Variants in DNAH6 observed in about 807,000 individuals in gnomAD.
DNAH6 encodes the protein dynein axonemal heavy chain 6.
DNAH6 carries 340 observed loss-of-function variants against 491.4 expected under a neutral mutation model. The ratio of observed to expected loss-of-function variants is 0.69; its 90% CI spans 0.63 to 0.76. The LOEUF (loss-of-function observed/expected upper bound fraction) is 0.76. Ranked by LOEUF, DNAH6 falls within the 30% of genes least tolerant of loss-of-function variation. The pLI is 0.00. For synonymous variants in DNAH6, 1,603 were observed against 1,686.1 expected (o/e 0.95, Z 1.21); for missense variants, 4,443 against 4,972.2 (o/e 0.89, Z 3.20).
intron 8 of DNAH6, 142 bp downstream of exon 8, chr2:84,548,559 A>G: frequency 2.2e-6 from 2 of 904,594 alleles, no homozygotes; most frequent in Non-Finnish European, 3.4e-6. Flanking sequence ...ATCATGTTGT[A>G]TACCTTAAGT....
chr2:84,704,404 A>G, intron 51 of DNAH6, 102 bp downstream of exon 51: 1 of 855,506 alleles, frequency 1.2e-6, no homozygotes, highest in South Asian at 1.8e-5. Context: ...CCACCTTCTC[A>G]TTGCTTCAGT....
In DNAH6 at chr2:84,701,220, A is replaced by C. The variant is rs1695867575; in HGVS notation, c.7942A>C (p.Met2648Leu). Reference sequence around the variant, plus strand: ...GAACGTTCACTTGAGTGTCTCCAGCATGGCAGAGCGCTATTACAATGAGCT... The same window carrying C: ...GAACGTTCACTTGAGTGTCTCCAGCCTGGCAGAGCGCTATTACAATGAGCT... ...CVNVHLSVSSMAERYYNELRR... is the reference protein window; with the variant it reads ...CVNVHLSVSSLAERYYNELRR... The change falls in exon 49 of 77, where the codon ATG becomes CTG. Residue 2648 changes from methionine (M) to leucine (L), a missense_variant. Physicochemically the swap from Met to Leu is conservative, Grantham distance 15. This residue lies in a region of DNAH6 where 2,977 missense variants were observed against 3,296.6 expected (regional missense o/e 0.90). Transcript: ENST00000389394. The C allele has an allele frequency of 3.9e-6, 6 of 1,551,702 alleles. No homozygotes were observed. The highest frequency in any genetic ancestry group is 5.2e-6 in the Non-Finnish European group (6 of 1,147,022).
chr2:84,626,886 G>A (rs1179557945), intron 29 of DNAH6, among the ~76,000 whole-genome samples: 2 of 152,198 alleles, frequency 1.3e-5, no homozygotes, highest in South Asian at 2.1e-4. Context: ...GATTACAGGC[G>A]TGAGCCACCG....
At chr2:84,564,578 G>A (rs970005986) in intron 11 of DNAH6, among the ~76,000 whole-genome samples, 1 of 152,018 alleles carries the variant, frequency 6.6e-6, no homozygotes, top group Non-Finnish European at 1.5e-5. Context: ...TCAGTTCTAG[G>A]GGCCTTTTGG....
intron 29 of DNAH6, among the ~76,000 whole-genome samples, chr2:84,627,919 G>A (rs926370422): frequency 5.3e-5 from 8 of 152,092 alleles, no homozygotes; most frequent in Non-Finnish European, 7.4e-5. Context: ...TTATTGAAAG[G>A]TTACTGAGAT....
intron 2 of DNAH6, among the ~76,000 whole-genome samples, chr2:84,519,018 C>CTCTACAACTTTT (rs1675877394): frequency 1.3e-5 from 2 of 152,112 alleles, no homozygotes; most frequent in Non-Finnish European, 2.9e-5. Context: ...GCACTCCAGC[C>CTCTACAACTTTT]TGGGTGACAG....
chr2:84,760,378 C>G (rs934384396), intron 63 of DNAH6, among the ~76,000 whole-genome samples: 3 of 152,106 alleles, frequency 2.0e-5, no homozygotes, highest in Non-Finnish European at 4.4e-5. Context: ...GAATAATCTG[C>G]AGAATGGGAG....
the DNAH6 span, among the ~76,000 whole-genome samples, chr2:84,491,569 G>T: frequency 3.3e-5 from 5 of 152,104 alleles, no homozygotes; most frequent in African/African-American, 1.2e-4. Flanking sequence ...CTTTTTTGCC[G>T]TAAAGGGACA....
chr2:84,637,234 C>A lies in DNAH6; in HGVS notation c.4678C>A (p.Arg1560=). 6.5e-7 allele frequency: 1 copy of A among 1,546,836 alleles called. No homozygotes were observed. Among genetic ancestry groups the A allele is most frequent in the East Asian group, 2.5e-5 (1 of 40,762 alleles). The change falls in exon 31 of 77, where the codon CGG becomes AGG. Residue 1560 remains arginine (R), a synonymous_variant. Transcript: ENST00000389394. ...AKLSRFMFEG[R]EIKLVMTCAA... ...GCTCTCTAGATTCATGTTTGAGGGG[C>A]GGGAAATAAAGTTGGTGATGACTTG... is the stretch of plus-strand genomic sequence containing the variant.
chr2:84,617,050 T>C (rs745698360), intron 23 of DNAH6, 68 bp downstream of exon 23: 63 of 853,402 alleles, frequency 7.4e-5, no homozygotes, highest in Non-Finnish European at 7.8e-5. Context: ...GAGGTTATAA[T>C]TATAACCTCA....
chr2:84,703,552 G>C lies in DNAH6; in HGVS notation c.8219G>C (p.Ser2740Thr), dbSNP rs752049389. ...GAAAAATTGGCAGTGGATCAAGAAAGTGCCGATCAGGTATGCTGCAGTTCC... is the reference window on the plus strand; with the variant it reads ...GAAAAATTGGCAGTGGATCAAGAAACTGCCGATCAGGTATGCTGCAGTTCC... ...LMEKLAVDQE[S>T]ADQVRNTVQE... Residue 2740 changes from serine (S) to threonine (T), a missense_variant, in exon 50 of 77, where the codon AGT becomes ACT. Ser to Thr is a moderately conservative substitution (Grantham distance 58, BLOSUM62 1). Transcript: ENST00000389394. 6.4e-7 allele frequency: 1 copy of C among 1,550,790 alleles called. No individual in the cohort carries two copies. Among genetic ancestry groups the C allele is most frequent in the South Asian group, 1.2e-5 (1 of 83,878 alleles).
chr2:84,727,564 C>T (rs570683470), intron 60 of DNAH6, 105 bp from the exon 61 acceptor site: 7 of 683,270 alleles, frequency 1.0e-5, no homozygotes, highest in Non-Finnish European at 1.8e-5. Flanking sequence ...ATTCATCTCC[C>T]ATGCTGCCAT....
At chr2:84,474,686 G>A in the DNAH6 span, among the ~76,000 whole-genome samples, 62 of 152,200 alleles carry the variant, frequency 4.1e-4, no homozygotes, top group Admixed American at 2.2e-3. Flanking sequence ...TTGTGCCTTC[G>A]TGACCATCCG....
the DNAH6 span, among the ~76,000 whole-genome samples, chr2:84,460,267 T>A: frequency 1.3e-5 from 2 of 152,206 alleles, no homozygotes; most frequent in Non-Finnish European, 2.9e-5. Context: ...TCCTTTATGA[T>A]CCAAATATTG....
chr2:84,771,479 G>A (rs1675609471), intron 64 of DNAH6, among the ~76,000 whole-genome samples: 1 of 152,108 alleles, frequency 6.6e-6, no homozygotes, highest in African/African-American at 2.4e-5. Context: ...AGACCTTAAT[G>A]AATTCTAAGT....
chr2:84,584,337 A>T, intron 15 of DNAH6, 87 bp downstream of exon 15: 1 of 1,291,998 alleles, frequency 7.7e-7, no homozygotes, highest in Non-Finnish European at 1.1e-6. Context: ...ACAGATAAAA[A>T]TTGTATATAT....
Position 84,705,617 on chromosome 2 carries a change from T to C in DNAH6, c.8597T>C (p.Phe2866Ser). The C allele has an allele frequency of 6.4e-7, 1 of 1,551,658 alleles. No individual in the cohort carries two copies. The highest frequency in any genetic ancestry group is 8.7e-7 in the Non-Finnish European group (1 of 1,146,982). Residue 2866 changes from phenylalanine to serine, a missense_variant, in exon 52 of 77, where the codon TTT (phenylalanine) becomes TCT (serine). Transcript: ENST00000389394. ...KLQKYINNPD[F>S]VPEKVEKVSK... The stretch of plus-strand genomic sequence containing the variant: ...CAAAAGTATATTAATAATCCTGATT[T>C]TGTGCCTGAAAAAGTGGAGAAAGTG...
Position 84,688,610 on chromosome 2 carries a change from C to T in DNAH6, c.7292+17C>T, listed in dbSNP as rs537239316. 68 of 1,505,236 alleles carry T rather than the reference C, an allele frequency of 4.5e-5. No individual in the cohort carries two copies. The highest frequency in any genetic ancestry group is 1.7e-4 in the Middle Eastern group (1 of 5,860). The allele number at this position is 1,505,236 out of a possible 1,614,324, so 93.2% of individuals were successfully genotyped here. Reference sequence around the variant, plus strand: ...TGTTTCAAGGTATAGTGCTATAAGGCGCCCAATAATGCATTGATTTAATAT... The same window carrying T: ...TGTTTCAAGGTATAGTGCTATAAGGTGCCCAATAATGCATTGATTTAATAT... On this transcript the variant is annotated intron_variant, in intron 45 of 76. Transcript: ENST00000389394.
At chr2:84,793,076 G>C (rs1047094968) in intron 68 of DNAH6, among the ~76,000 whole-genome samples, 7 of 152,164 alleles carry the variant, frequency 4.6e-5, no homozygotes, top group Non-Finnish European at 8.8e-5. Flanking sequence ...CCAGCCCACA[G>C]GGATGGGAAA....
Sources: gnomAD v4.1 joint callset for allele counts (sites outside exome capture counted in the v4.1 genomes callset) on GRCh38, gnomAD v4.1.1 for gene constraint, gnomAD v4.1.1 regional missense constraint, MANE v1.5 for transcripts, NCBI Gene and HGNC (gene_info 2026-07-23, HGNC 2026-07-21) for gene names.